ZNF831: variants seen among roughly 807,000 people sequenced by gnomAD.
The protein encoded by ZNF831 is chromosome 20 open reading frame 174.
A neutral mutation model predicts 95.8 loss-of-function variants in ZNF831; 59 were observed. The ratio of observed to expected loss-of-function variants is 0.62; its 90% confidence interval spans 0.50 to 0.77. The LOEUF (loss-of-function observed/expected upper bound fraction) is 0.77. ZNF831 is among the 30% of genes least tolerant of loss of function. ZNF831 has a pLI of 0.00. For missense variants in ZNF831, 2,205 were observed against 2,164.0 expected (o/e 1.02, Z -0.38); for synonymous variants, 961 against 925.5 (o/e 1.04, Z -0.70).
rs1161638118 is a variant in ZNF831 at position 59,257,101 on chromosome 20, TG to T, written c.*2360del. 1 of 152,206 alleles carries T rather than the reference TG, an allele frequency of 6.6e-6. No homozygotes were observed. Among genetic ancestry groups the T allele is most frequent in the Non-Finnish European group, 1.5e-5 (1 of 68,056 alleles). 9.4% of individuals were successfully genotyped at this position (152,206 alleles called of 1,614,324 possible). A position where few individuals can be genotyped will look rare whatever the true frequency, so the allele number is the denominator to read the frequency against. On this transcript the variant is annotated 3_prime_UTR_variant, in exon 6 of 6. Transcript: ENST00000371030. ...CCAAACAGCACCAACTTCAGGATGATGGTGGAAGCTCTGTCCCTATAGGAGC... is the reference window on the plus strand; with the variant it reads ...CCAAACAGCACCAACTTCAGGATGATGTGGAAGCTCTGTCCCTATAGGAGC...
At chr20:59,204,740 C>A (rs1013864420) in intron 3 of ZNF831, among the ~76,000 whole-genome samples, 16 of 152,248 alleles carry the variant, frequency 1.1e-4, no homozygotes, top group African/African-American at 3.9e-4. Context: ...TGCGGAGGTG[C>A]AGCCTGACGA....
intron 4 of ZNF831, among the ~76,000 whole-genome samples, chr20:59,236,346 A>G (rs1430389956): frequency 2.6e-5 from 4 of 152,208 alleles, no homozygotes; most frequent in African/African-American, 9.7e-5. Context: ...ACAAATGAAT[A>G]TAGAAGGGTC....
At position 59,196,101 on chromosome 20, in the gene ZNF831, C is replaced by G. The variant is rs111359004; in HGVS notation, c.3875+96C>G. On this transcript the variant is annotated intron_variant, in intron 3 of 5. Transcript: ENST00000371030. ...ATCCGTGTGCTCCAGAGAAAGAGTTCCTGTTTCCTAGGGTTTAGAGCTTCA... is the reference window on the plus strand; with the variant it reads ...ATCCGTGTGCTCCAGAGAAAGAGTTGCTGTTTCCTAGGGTTTAGAGCTTCA... The G allele has an allele frequency of 1.5e-5, 23 of 1,499,044 alleles. No homozygotes were observed. In the African/African-American group the frequency reaches 1.8e-4, roughly 12 times the overall value. 92.9% of individuals were successfully genotyped at this position (1,499,044 alleles called of 1,614,324 possible).
intron 1 of ZNF831, among the ~76,000 whole-genome samples, chr20:59,168,088 A>G (rs1397901060): frequency 6.6e-6 from 1 of 152,146 alleles, no homozygotes; most frequent in South Asian, 2.1e-4. Context: ...TTGCCTTTCT[A>G]TATAAATTTT....
intron 1 of ZNF831, among the ~76,000 whole-genome samples, chr20:59,178,674 C>A (rs781284190): frequency 4.6e-5 from 7 of 152,166 alleles, no homozygotes; most frequent in Non-Finnish European, 7.3e-5. Flanking sequence ...TTTTCCATAG[C>A]TGATCGGATC....
intron 2 of ZNF831, among the ~76,000 whole-genome samples, chr20:59,155,573 AC>A (rs929328598): frequency 6.6e-6 from 1 of 152,158 alleles, no homozygotes; most frequent in Non-Finnish European, 1.5e-5. Context: ...GCTAAATCTT[AC>A]TGGGAATGAT....
chr20:59,211,829 G>A (rs1002207820), intron 4 of ZNF831, among the ~76,000 whole-genome samples: 29 of 151,132 alleles, frequency 1.9e-4, no homozygotes, highest in African/African-American at 6.7e-4. Flanking sequence ...GTGTGCCTGT[G>A]TTTTTTTCTT....
At position 59,194,353 on chromosome 20, in the gene ZNF831, G is replaced by A. The variant is rs1236931822; in HGVS notation, c.3334G>A (p.Glu1112Lys). ...GGGGGAGCCTCCTGGGAATGCCCCAGAAGATCCTTCTTCAGGGCCCCTGGT... is the reference window on the plus strand; with the variant it reads ...GGGGGAGCCTCCTGGGAATGCCCCAAAAGATCCTTCTTCAGGGCCCCTGGT... ...ELGEPPGNAP[E>K]DPSSGPLVGP... Residue 1112 changes from glutamate to lysine, a missense_variant, in exon 2 of 6, where the codon GAA (glutamate) becomes AAA (lysine). Transcript: ENST00000371030. 1 of 1,612,808 alleles carries A rather than the reference G, an allele frequency of 6.2e-7. No homozygotes were observed. Among genetic ancestry groups the A allele is most frequent in the African/African-American group, 1.3e-5 (1 of 74,922 alleles).
chr20:59,158,568 T>C (rs2146468091), intron 2 of ZNF831, among the ~76,000 whole-genome samples: 1 of 152,306 alleles, frequency 6.6e-6, no homozygotes, highest in South Asian at 2.1e-4. Flanking sequence ...TAGCCTTCCC[T>C]GGAGGAGTTT....
At chr20:59,126,290 A>G (rs926319868) in intron 1 of ZNF831, among the ~76,000 whole-genome samples, 3 of 151,988 alleles carry the variant, frequency 2.0e-5, no homozygotes, top group Non-Finnish European at 4.4e-5. Flanking sequence ...GAACTCTTGG[A>G]TTGTAAAATA....
At chr20:59,245,887 T>TG (rs1987572220) in intron 4 of ZNF831, among the ~76,000 whole-genome samples, 1 of 152,176 alleles carries the variant, frequency 6.6e-6, no homozygotes, top group Admixed American at 6.5e-5. Flanking sequence ...GGAACAGAAA[T>TG]GGAGAGACAA....
At chr20:59,158,405 G>A (rs1028852789) in intron 2 of ZNF831, among the ~76,000 whole-genome samples, 9 of 152,222 alleles carry the variant, frequency 5.9e-5, no homozygotes, top group African/African-American at 2.2e-4. Flanking sequence ...GAGAGGGGAC[G>A]AGGCAACAGG....
intron 2 of ZNF831, among the ~76,000 whole-genome samples, chr20:59,156,461 G>T (rs1370099730): frequency 6.6e-6 from 1 of 152,188 alleles, no homozygotes. Context: ...AGGAGGTGGA[G>T]GTTGCAGTAA....
At position 59,217,895 on chromosome 20, in the gene ZNF831, C is replaced by G. The variant is rs1257317861; in HGVS notation, c.4027+10839C>G. ...ATAGATGTGTTCCTCAGCAGAGGCA[C>G]GATGGATCAGCCTGCTCTGGGGGGA... On this transcript the variant is annotated intron_variant, in intron 4 of 5. Transcript: ENST00000371030. This position sits in a 1 kb window ranked among gnomAD's most constrained non-coding sequence, Gnocchi z 4.4. Among the ~76,000 whole-genome samples, 1 of 152,184 alleles carries G rather than the reference C, an allele frequency of 6.6e-6. No homozygotes were observed. Among genetic ancestry groups the G allele is most frequent in the Non-Finnish European group, 1.5e-5 (1 of 68,042 alleles).
rs1388903195 is a variant in ZNF831 at position 59,191,726 on chromosome 20, G to A, written c.707G>A (p.Gly236Glu). The A allele has an allele frequency of 5.7e-6, 9 of 1,584,538 alleles. No homozygotes were observed. The highest frequency in any genetic ancestry group is 7.7e-6 in the Non-Finnish European group (9 of 1,164,342). The stretch of plus-strand genomic sequence containing the variant: ...GGCAGGGGCGAGAGCAGGTGCCAGG[G>A]GATGCACGAAGGCGCCTCGGAGAGA... ...PEGRGESRCQ[G>E]MHEGASERPL... Residue 236 changes from glycine to glutamate, a missense_variant, in exon 2 of 6, where the codon GGG becomes GAG. Physicochemically the swap from Gly to Glu is moderately conservative, Grantham distance 98 (BLOSUM62 -2). Coordinates refer to ENST00000371030, the MANE Select transcript of ZNF831 (RefSeq NM_178457.3).
intron 1 of ZNF831, among the ~76,000 whole-genome samples, chr20:59,138,131 A>G (rs1382935423): frequency 1.3e-5 from 2 of 152,240 alleles, no homozygotes; most frequent in Non-Finnish European, 2.9e-5. Context: ...AGCATTTTGG[A>G]AGACTAATTA....
intron 1 of ZNF831, among the ~76,000 whole-genome samples, chr20:59,183,520 C>A (rs541052157): frequency 6.6e-6 from 1 of 152,260 alleles, no homozygotes; most frequent in Admixed American, 6.5e-5. Context: ...GAAAATTGAT[C>A]TTCTCTTTTT....
Position 59,207,053 on chromosome 20 carries a change from G to C in ZNF831, c.4024G>C (p.Ala1342Pro), listed in dbSNP as rs1984946251. ...CCCTGGGCAGACCTCTTCAGAAATAGCAGGTAATGCTCTCTTTGGAGGTGC... is the reference window on the plus strand; with the variant it reads ...CCCTGGGCAGACCTCTTCAGAAATACCAGGTAATGCTCTCTTTGGAGGTGC... ...RTPGQTSSEI[A>P]GLNLQEEPSC... The change falls in exon 4 of 6, where the codon GCA (alanine) becomes CCA (proline). Residue 1342 changes from alanine to proline, a missense_variant. Ala to Pro is a conservative substitution (Grantham distance 27). Transcript: ENST00000371030. 1.2e-6 allele frequency: 2 copies of C among 1,614,016 alleles called. No individual in the cohort carries two copies. The highest frequency in any genetic ancestry group is 3.3e-5 in the Admixed American group (2 of 59,998).
intron 4 of ZNF831, among the ~76,000 whole-genome samples, chr20:59,242,759 CT>C (rs2146729416): frequency 6.6e-6 from 1 of 152,294 alleles, no homozygotes; most frequent in Non-Finnish European, 1.5e-5. Flanking sequence ...TTTTTCTGCT[CT>C]TTCGATGAGT....
Sources: allele counts gnomAD v4.1 joint callset (sites outside exome capture counted in the v4.1 genomes callset), GRCh38; gene constraint gnomAD v4.1.1; non-coding constraint Gnocchi (gnomAD v3.1); transcripts MANE v1.5; gene names NCBI Gene and HGNC (gene_info 2026-07-23, HGNC 2026-07-21).